GALNTL6: variants seen among roughly 807,000 people sequenced by gnomAD.
GALNTL6 encodes the protein polypeptide N-acetylgalactosaminyltransferase-like 6.
GALNTL6 carries 46 observed loss-of-function variants against 73.7 expected under a neutral mutation model. The observed-to-expected ratio is 0.62, with a 90% CI of 0.49 to 0.80. The LOEUF (loss-of-function observed/expected upper bound fraction) is 0.80. GALNTL6 is among the 30% of genes least tolerant of loss of function. GALNTL6 has a pLI of 0.00. For missense variants in GALNTL6, 604 were observed against 755.0 expected (o/e 0.80, Z 2.34); for synonymous variants, 259 against 263.7 (o/e 0.98, Z 0.17).
intron 5 of GALNTL6, among the ~76,000 whole-genome samples, chr4:172,739,750 A>G (rs1307189315): frequency 6.6e-6 from 1 of 152,122 alleles, no homozygotes; most frequent in Non-Finnish European, 1.5e-5. Context: ...TTTATTACAT[A>G]CTAAGAATTT....
At chr4:172,179,924 A>T (rs1735181362) in intron 2 of GALNTL6, among the ~76,000 whole-genome samples, 1 of 152,160 alleles carries the variant, frequency 6.6e-6, no homozygotes, top group African/African-American at 2.4e-5. Flanking sequence ...ATGTGTCTTC[A>T]TAGTAGAATG....
At chr4:171,901,449 C>T (rs1165556128) in intron 2 of GALNTL6, among the ~76,000 whole-genome samples, 1 of 152,080 alleles carries the variant, frequency 6.6e-6, no homozygotes, top group Non-Finnish European at 1.5e-5. Flanking sequence ...CATGAAACAG[C>T]AGGGAAACAA....
chr4:172,969,530 T>C (rs887482153), intron 10 of GALNTL6, among the ~76,000 whole-genome samples: 2 of 152,200 alleles, frequency 1.3e-5, no homozygotes, highest in African/African-American at 2.4e-5. Flanking sequence ...CACTTTCTAA[T>C]AAAATGGTTG....
intron 5 of GALNTL6, among the ~76,000 whole-genome samples, chr4:172,690,193 A>C (rs992773073): frequency 6.6e-6 from 1 of 152,186 alleles, no homozygotes; most frequent in African/African-American, 2.4e-5. Flanking sequence ...TTTTCTGAGG[A>C]AGAATGTCAA....
At chr4:172,157,214 T>C (rs1734313938) in intron 2 of GALNTL6, among the ~76,000 whole-genome samples, 2 of 152,190 alleles carry the variant, frequency 1.3e-5, no homozygotes, top group South Asian at 4.1e-4. Context: ...TTACCCTCAC[T>C]GCTTATCTGT....
chr4:172,752,227 T>A (rs533987028), intron 5 of GALNTL6, among the ~76,000 whole-genome samples: 65 of 152,182 alleles, frequency 4.3e-4, no homozygotes, highest in Admixed American at 2.2e-3. Context: ...TGAGAACAAC[T>A]AATTATCAGG....
intron 2 of GALNTL6, among the ~76,000 whole-genome samples, chr4:172,126,971 C>T (rs1733314157): frequency 6.6e-6 from 1 of 152,224 alleles, no homozygotes; most frequent in African/African-American, 2.4e-5. Context: ...TTTCACGTGC[C>T]TCAAGGAAGC....
intron 3 of GALNTL6, among the ~76,000 whole-genome samples, chr4:172,242,803 A>G (rs996468319): frequency 6.6e-6 from 1 of 152,248 alleles, no homozygotes; most frequent in Non-Finnish European, 1.5e-5. Flanking sequence ...TGAAAAGCAT[A>G]AGGCATTGTA....
intron 2 of GALNTL6, among the ~76,000 whole-genome samples, chr4:172,054,132 G>T (rs1730954281): frequency 6.6e-6 from 1 of 151,766 alleles, no homozygotes; most frequent in South Asian, 2.1e-4. Context: ...CATATCTAGG[G>T]ATACTTCATG....
At chr4:172,813,988 C>T (rs1047368450) in intron 7 of GALNTL6, among the ~76,000 whole-genome samples, 2 of 152,180 alleles carry the variant, frequency 1.3e-5, no homozygotes, top group African/African-American at 4.8e-5. Flanking sequence ...ACAGAAAATA[C>T]ATAGAAAAGG....
chr4:172,202,934 A>G (rs76493610), intron 2 of GALNTL6, among the ~76,000 whole-genome samples: 8,638 of 152,280 alleles, frequency 0.057, 291 homozygotes, highest in South Asian at 0.11. Context: ...TGAGAGGAAA[A>G]CAATTGAAAA....
At chr4:172,091,187 T>C (rs1732193701) in intron 2 of GALNTL6, among the ~76,000 whole-genome samples, 1 of 152,200 alleles carries the variant, frequency 6.6e-6, no homozygotes, top group African/African-American at 2.4e-5. Flanking sequence ...GACAAATTTA[T>C]TTGCAAAATG....
At chr4:172,088,623 T>A (rs1430287731) in intron 2 of GALNTL6, among the ~76,000 whole-genome samples, 2 of 152,184 alleles carry the variant, frequency 1.3e-5, no homozygotes, top group African/African-American at 4.8e-5. Flanking sequence ...TGGAACAAAG[T>A]CTGGGCTCTA....
intron 10 of GALNTL6, among the ~76,000 whole-genome samples, chr4:172,952,550 C>T (rs1402053477): frequency 1.3e-5 from 2 of 150,686 alleles, no homozygotes; most frequent in Non-Finnish European, 2.9e-5. Flanking sequence ...GAGTCTCGCT[C>T]TGTCTTCCAG....
At chr4:172,205,022 C>T (rs1202572414) in intron 2 of GALNTL6, among the ~76,000 whole-genome samples, 1 of 152,140 alleles carries the variant, frequency 6.6e-6, no homozygotes, top group Non-Finnish European at 1.5e-5. Context: ...TTTCAGTTCT[C>T]TAAAAGTTAT....
intron 2 of GALNTL6, among the ~76,000 whole-genome samples, chr4:172,206,805 G>GTTTGTTGTTTTTTTTTTTTTTTTT (rs1554003003): frequency 7.7e-5 from 2 of 26,130 alleles, no homozygotes; most frequent in African/African-American, 1.9e-4. Flanking sequence ...TTGTTTTTCT[G>GTTTGTTGTTTTTTTTTTTTTTTTT]TTTTTTTTGT....
chr4:173,015,088 T>C (rs945166534), intron 11 of GALNTL6, among the ~76,000 whole-genome samples: 4 of 152,198 alleles, frequency 2.6e-5, no homozygotes, highest in African/African-American at 7.2e-5. Context: ...GCTGCCGCCA[T>C]GTGACGATGG....
chr4:172,432,011 G>A (rs1335891044), intron 5 of GALNTL6, among the ~76,000 whole-genome samples: 1 of 151,918 alleles, frequency 6.6e-6, no homozygotes. Flanking sequence ...ACACATAAAA[G>A]GTAGGGCTGC....
At chr4:171,885,539 C>T (rs1225500856) in intron 2 of GALNTL6, among the ~76,000 whole-genome samples, 1 of 152,142 alleles carries the variant, frequency 6.6e-6, no homozygotes, top group Non-Finnish European at 1.5e-5. Flanking sequence ...GGCATGGTGG[C>T]TCATGCCTGT....
Sources: gnomAD v4.1 joint callset for allele counts (sites outside exome capture counted in the v4.1 genomes callset) on GRCh38, gnomAD v4.1.1 for gene constraint, MANE v1.5 for transcripts, NCBI Gene and HGNC (gene_info 2026-07-23, HGNC 2026-07-21) for gene names.